AGPAT4: variants seen among roughly 807,000 people sequenced by gnomAD.
AGPAT4 encodes 1-acylglycerol-3-phosphate O-acyltransferase 4, also known as 1-acyl-sn-glycerol-3-phosphate acyltransferase delta.
A neutral mutation model predicts 48.0 loss-of-function variants in AGPAT4; 15 were observed. The ratio of observed to expected loss-of-function variants is 0.31; its 90% CI spans 0.21 to 0.48. The LOEUF is 0.48. Among genes scored for constraint, AGPAT4 ranks in the 20% least tolerant of loss-of-function variants. AGPAT4 has a pLI of 0.99. For synonymous variants in AGPAT4, 178 were observed against 198.7 expected (o/e 0.90, Z 0.88); for missense variants, 314 against 482.5 (o/e 0.65, Z 3.27).
At position 161,243,061 on chromosome 6, in the gene AGPAT4, T is replaced by G. The variant is rs1439536302; in HGVS notation, c.-89-10759A>C. Among the ~76,000 whole-genome samples the G allele has an allele frequency of 1.3e-5, 2 of 152,078 alleles. No individual in the cohort carries two copies. Among genetic ancestry groups the G allele is most frequent in the African/African-American group, 4.8e-5 (2 of 41,408 alleles). On this transcript the variant is annotated intron_variant, in intron 1 of 8. Coordinates refer to ENST00000320285, the MANE Select transcript of AGPAT4 (RefSeq NM_020133.3). This position sits in a 1 kb window ranked among gnomAD's most constrained non-coding sequence, Gnocchi z 4.8. ...TTGGGCGACAGAGCCAGACTCTGTC[T>G]CAAAAAAATTTTTTTTTAATTTAAA...
chr6:161,230,857 T>TCTTTTGATATC, intron 2 of AGPAT4, among the ~76,000 whole-genome samples: 1 of 152,350 alleles, frequency 6.6e-6, no homozygotes, highest in East Asian at 1.9e-4. Flanking sequence ...GCTCTTGCAC[T>TCTTTTGATATC]CAAACTATAT....
rs1234655289 is a variant in AGPAT4, at chr6:161,267,364, T to C, written c.-90+6574A>G. Among the ~76,000 whole-genome samples the C allele has an allele frequency of 1.3e-5, 2 of 151,840 alleles. No individual in the cohort carries two copies. Among genetic ancestry groups the C allele is most frequent in the African/African-American group, 2.4e-5 (1 of 41,302 alleles). ...CAGTAATTTTGCTGTTCTTAACAAC[T>C]GGGATGAAAGGCATGCAGAGGTCTA... On this transcript the variant is annotated intron_variant, in intron 1 of 8. Coordinates refer to ENST00000320285, the MANE Select transcript of AGPAT4 (RefSeq NM_020133.3). This position sits in a 1 kb window ranked among gnomAD's most constrained non-coding sequence, Gnocchi z 5.2.
At position 161,221,310 on chromosome 6, in the gene AGPAT4, A is replaced by G. The variant is rs1406255723; in HGVS notation, c.178+10726T>C. 6.6e-6 allele frequency among the ~76,000 whole-genome samples: 1 copy of G among 152,076 alleles called. No individual in the cohort carries two copies. The highest frequency in any genetic ancestry group is 2.4e-5 in the African/African-American group (1 of 41,396). On this transcript the variant is annotated intron_variant, in intron 2 of 8. Transcript: ENST00000320285. The surrounding 1 kb of genome is among the most constrained non-coding windows in gnomAD (Gnocchi z 4.5). The stretch of plus-strand genomic sequence containing the variant: ...AGTTTGTCACCTTCCTCCACGTCCA[A>G]TGTCACCAGCCAGCCGCACTTTACT...
chr6:161,182,829 C>A (rs985891097), intron 2 of AGPAT4, among the ~76,000 whole-genome samples: 13 of 152,210 alleles, frequency 8.5e-5, no homozygotes, highest in African/African-American at 2.9e-4. Context: ...GGGAGAGAGT[C>A]CTGACATCTG....
intron 1 of AGPAT4, among the ~76,000 whole-genome samples, chr6:161,256,517 T>C (rs1403895574): frequency 6.6e-6 from 1 of 152,218 alleles, no homozygotes; most frequent in Admixed American, 6.5e-5. Flanking sequence ...TGTGTTCACA[T>C]GAAATGTGGG....
rs935566398 is a variant in AGPAT4, at chr6:161,135,528, G to A, written c.*1012C>T. ...GGGGGTTTTTTGTACATGGGATGTCGGCTCTGATTTGACCCTCATCAGAGC... is the reference window on the plus strand; with the variant it reads ...GGGGGTTTTTTGTACATGGGATGTCAGCTCTGATTTGACCCTCATCAGAGC... On this transcript the variant is annotated 3_prime_UTR_variant, in exon 9 of 9. Coordinates refer to ENST00000320285, the MANE Select transcript of AGPAT4 (RefSeq NM_020133.3). The A allele has an allele frequency of 2.8e-4, 42 of 152,202 alleles. No individual in the cohort carries two copies. The highest frequency in any genetic ancestry group is 9.4e-4 in the African/African-American group (39 of 41,420). The allele number at this position is 152,202 out of a possible 1,614,324, so 9.4% of individuals were successfully genotyped here.
In AGPAT4 at chr6:161,166,185, G is replaced by T; in HGVS notation, c.348+63C>A. ...AGTTCTGAATGACCAGGAGCAAAAAGACAAGTGGTGGGGCTGAACCAGAGA... is the reference window on the plus strand; with the variant it reads ...AGTTCTGAATGACCAGGAGCAAAAATACAAGTGGTGGGGCTGAACCAGAGA... On this transcript the variant is annotated intron_variant, in intron 3 of 8. Transcript: ENST00000320285. This position sits in a 1 kb window ranked among gnomAD's most constrained non-coding sequence, Gnocchi z 6.7. 6.4e-7 allele frequency: 1 copy of T among 1,572,942 alleles called. No individual in the cohort carries two copies.
chr6:161,185,936 A>C (rs576067271), intron 2 of AGPAT4, among the ~76,000 whole-genome samples: 1 of 152,334 alleles, frequency 6.6e-6, no homozygotes, highest in South Asian at 2.1e-4. Context: ...TTTCAATGCC[A>C]CTATATTTGA....
In AGPAT4 at chr6:161,264,569, C is replaced by G. The variant is rs1465183522; in HGVS notation, c.-90+9369G>C. ...CCCCTGGCGTGCCCGCGCATCCCTGCCCTGCAAGTCTTATCCACTGCGTGG... is the reference window on the plus strand; with the variant it reads ...CCCCTGGCGTGCCCGCGCATCCCTGGCCTGCAAGTCTTATCCACTGCGTGG... On this transcript the variant is annotated intron_variant, in intron 1 of 8. Coordinates refer to ENST00000320285, the MANE Select transcript of AGPAT4 (RefSeq NM_020133.3). The surrounding 1 kb of genome is among the most constrained non-coding windows in gnomAD (Gnocchi z 6.8). 1.3e-5 allele frequency among the ~76,000 whole-genome samples: 2 copies of G among 152,194 alleles called. No individual in the cohort carries two copies. The highest frequency in any genetic ancestry group is 2.9e-5 in the Non-Finnish European group (2 of 68,030).
At position 161,219,300 on chromosome 6, in the gene AGPAT4, A is replaced by G. The variant is rs1345559024; in HGVS notation, c.178+12736T>C. Among the ~76,000 whole-genome samples, 8 of 152,018 alleles carry G rather than the reference A, an allele frequency of 5.3e-5. No homozygotes were observed. Among genetic ancestry groups the G allele is most frequent in the Admixed American group, 5.2e-4 (8 of 15,268 alleles). ...AGCATATACAACTTTTATATATGTA[A>G]AATTTGTATTTTATATAATTTAAAA... On this transcript the variant is annotated intron_variant, in intron 2 of 8. Coordinates refer to ENST00000320285, the MANE Select transcript of AGPAT4 (RefSeq NM_020133.3). This position sits in a 1 kb window ranked among gnomAD's most constrained non-coding sequence, Gnocchi z 4.9.
intron 7 of AGPAT4, among the ~76,000 whole-genome samples, chr6:161,145,555 T>C (rs1779393638): frequency 6.6e-6 from 1 of 151,646 alleles, no homozygotes; most frequent in South Asian, 2.1e-4. Context: ...GAAATTTGTC[T>C]AAAGGAGGCA....
At chr6:161,188,404 T>C (rs1450396240) in intron 2 of AGPAT4, among the ~76,000 whole-genome samples, 1 of 152,216 alleles carries the variant, frequency 6.6e-6, no homozygotes, top group Non-Finnish European at 1.5e-5. Context: ...CACCAGATAA[T>C]TCTGAGATCC....
intron 1 of AGPAT4, among the ~76,000 whole-genome samples, chr6:161,237,259 T>A (rs1021852725): frequency 1.3e-5 from 2 of 152,234 alleles, no homozygotes; most frequent in African/African-American, 4.8e-5. Context: ...TTAGTAGATA[T>A]TGAATTTAGC....
intron 2 of AGPAT4, among the ~76,000 whole-genome samples, chr6:161,211,993 G>T (rs1384625779): frequency 6.6e-6 from 1 of 152,164 alleles, no homozygotes; most frequent in Non-Finnish European, 1.5e-5. Context: ...GGTCGATTTT[G>T]AAAGATAAAA....
At position 161,161,507 on chromosome 6, in the gene AGPAT4, C is replaced by T. The variant is rs770921124; in HGVS notation, c.348+4741G>A. The T allele has an allele frequency of 1.8e-5, 8 of 456,666 alleles. No individual in the cohort carries two copies. Among genetic ancestry groups the T allele is most frequent in the South Asian group, 1.1e-4 (7 of 64,564 alleles). 28.3% of individuals were successfully genotyped at this position (456,666 alleles called of 1,614,324 possible). ...TGTGCCTGCAGAGCTGATGAATTCA[C>T]ATGGTGGCGGGCAGCACTGGGTATC... On this transcript the variant is annotated intron_variant, in intron 3 of 8. Coordinates refer to ENST00000320285, the MANE Select transcript of AGPAT4 (RefSeq NM_020133.3). The surrounding 1 kb of genome is among the most constrained non-coding windows in gnomAD (Gnocchi z 4.6).
At chr6:161,213,969 A>G (rs1781581140) in intron 2 of AGPAT4, among the ~76,000 whole-genome samples, 1 of 152,190 alleles carries the variant, frequency 6.6e-6, no homozygotes, top group South Asian at 2.1e-4. Flanking sequence ...TAGGCCCCCA[A>G]AATCACTTAA....
In AGPAT4 at chr6:161,149,867, A is replaced by G. The variant is rs992715107; in HGVS notation, c.665-578T>C. On this transcript the variant is annotated intron_variant, in intron 5 of 8. Transcript: ENST00000320285. This position sits in a 1 kb window ranked among gnomAD's most constrained non-coding sequence, Gnocchi z 6.5. ...CAGATCACTTTTAAAGCAATACTGC[A>G]AAGTCAGGTCTAGAGGTACTACGAC... Among the ~76,000 whole-genome samples the G allele has an allele frequency of 6.6e-6, 1 of 152,188 alleles. No homozygotes were observed. The highest frequency in any genetic ancestry group is 1.5e-5 in the Non-Finnish European group (1 of 68,038).
Position 161,214,323 on chromosome 6 carries a change from C to T in AGPAT4, c.178+17713G>A, listed in dbSNP as rs908661668. Among the ~76,000 whole-genome samples, 2 of 152,190 alleles carry T rather than the reference C, an allele frequency of 1.3e-5. No individual in the cohort carries two copies. The highest frequency in any genetic ancestry group is 4.8e-5 in the African/African-American group (2 of 41,446). On this transcript the variant is annotated intron_variant, in intron 2 of 8. Coordinates refer to ENST00000320285, the MANE Select transcript of AGPAT4 (RefSeq NM_020133.3). The surrounding 1 kb of genome is among the most constrained non-coding windows in gnomAD (Gnocchi z 5.4). ...TGTGTCACAGGCACACATCCTCAAC[C>T]TTGACAAAATAAACTTTCTAAATTT...
chr6:161,248,675 C>T (rs1298147990), intron 1 of AGPAT4, among the ~76,000 whole-genome samples: 1 of 151,340 alleles, frequency 6.6e-6, no homozygotes, highest in African/African-American at 2.4e-5. Flanking sequence ...TCAGAGATGA[C>T]ACAACGAATG....
Sources: gnomAD v4.1 joint callset for allele counts (sites outside exome capture counted in the v4.1 genomes callset) on GRCh38, gnomAD v4.1.1 for gene constraint, Gnocchi (gnomAD v3.1) non-coding constraint, MANE v1.5 for transcripts, NCBI Gene and HGNC (gene_info 2026-07-23, HGNC 2026-07-21) for gene names.